The following FRMD5 variants were observed in gnomAD, a reference collection of about 807,000 sequenced individuals.
The protein encoded by FRMD5 is FERM domain containing 5, also known as FERM domain-containing protein 5.
Under a neutral mutation model 69.0 loss-of-function variants are expected in FRMD5, and 20 were observed. The observed-to-expected ratio is 0.29, with a 90% CI of 0.20 to 0.42. The LOEUF is 0.42. Ranked by LOEUF, FRMD5 falls within the 10% of genes least tolerant of loss-of-function variation. FRMD5 has a pLI of 1.00. For missense variants in FRMD5, 595 were observed against 708.6 expected (o/e 0.84, Z 1.82); for synonymous variants, 271 against 260.1 (o/e 1.04, Z -0.40).
chr15:44,062,797 C>T (rs1893146340), intron 1 of FRMD5, among the ~76,000 whole-genome samples: 1 of 151,674 alleles, frequency 6.6e-6, no homozygotes, highest in Admixed American at 6.6e-5. Context: ...TGGAACCAAT[C>T]CCCCCCAGAT....
At chr15:44,138,722 T>C (rs2077222801) in intron 1 of FRMD5, among the ~76,000 whole-genome samples, 3 of 152,170 alleles carry the variant, frequency 2.0e-5, no homozygotes. Flanking sequence ...TAAAATTTAT[T>C]ATCAAATGCA....
At chr15:44,143,786 G>A (rs1202859552) in intron 1 of FRMD5, among the ~76,000 whole-genome samples, 7 of 151,336 alleles carry the variant, frequency 4.6e-5, no homozygotes, top group South Asian at 2.1e-4. Flanking sequence ...TTGGCCGGGC[G>A]TGGCGGCACG....
intron 1 of FRMD5, among the ~76,000 whole-genome samples, chr15:44,099,656 G>A (rs1010759934): frequency 1.3e-5 from 2 of 152,136 alleles, no homozygotes; most frequent in Non-Finnish European, 2.9e-5. Flanking sequence ...AAGAGAGATG[G>A]AGATTGTTTG....
chr15:43,935,408 C>T (rs1395726608), intron 1 of FRMD5, among the ~76,000 whole-genome samples: 4 of 152,166 alleles, frequency 2.6e-5, no homozygotes, highest in Admixed American at 6.5e-5. Flanking sequence ...TGCTTGAACC[C>T]GAGAGGCAGA....
intron 7 of FRMD5, 125 bp downstream of exon 7, chr15:43,902,050 A>T: frequency 1.4e-6 from 1 of 705,762 alleles, no homozygotes; most frequent in Non-Finnish European, 2.5e-6. Context: ...TTTCTCTGAT[A>T]TCTCACTGAA....
chr15:43,924,714 C>T (rs1430602419), intron 1 of FRMD5, among the ~76,000 whole-genome samples: 1 of 152,134 alleles, frequency 6.6e-6, no homozygotes, highest in African/African-American at 2.4e-5. Context: ...TCTCTGTTAC[C>T]AACACCATAG....
chr15:43,901,149 G>T (rs1329952148), intron 7 of FRMD5, among the ~76,000 whole-genome samples: 1 of 152,084 alleles, frequency 6.6e-6, no homozygotes, highest in Non-Finnish European at 1.5e-5. Context: ...GCAGATGACA[G>T]CCATCCACAG....
chr15:44,056,080 C>T (rs1892859548), intron 1 of FRMD5, among the ~76,000 whole-genome samples: 1 of 152,194 alleles, frequency 6.6e-6, no homozygotes, highest in Non-Finnish European at 1.5e-5. Context: ...AAACAAGTAA[C>T]TTTAACATTT....
rs1017201541 is a variant in FRMD5 at position 43,925,513 on chromosome 15, C to A, written c.103-1204G>T. Among the ~76,000 whole-genome samples the A allele has an allele frequency of 2.0e-5, 3 of 152,214 alleles. No individual in the cohort carries two copies. In the East Asian group the frequency reaches 5.8e-4, roughly 29 times the overall value. On this transcript the variant is annotated intron_variant, in intron 1 of 13. Transcript: ENST00000417257. ...ACTGCAATGAATCTAAAATTATTTA[C>A]CCAGTTCCATATTGATGACATTTGT...
intron 1 of FRMD5, chr15:44,101,396 T>C (rs2076638402): frequency 6.6e-6 from 1 of 152,628 alleles, no homozygotes; most frequent in Non-Finnish European, 1.5e-5. Context: ...GTAGGCATAG[T>C]AGAGTATCTT....
At chr15:43,924,450 A>G in intron 1 of FRMD5, 141 bp from the exon 2 acceptor site, 1 of 626,938 alleles carries the variant, frequency 1.6e-6, no homozygotes, top group Non-Finnish European at 2.8e-6. Context: ...TGTCCTCCAC[A>G]TTGTGATACA....
intron 1 of FRMD5, chr15:43,989,131 T>C (rs1159706684): frequency 4.0e-6 from 4 of 992,012 alleles, no homozygotes; most frequent in Non-Finnish European, 6.5e-6. Context: ...CCACATCTGC[T>C]GGACGGTGGA....
intron 1 of FRMD5, among the ~76,000 whole-genome samples, chr15:43,935,353 G>A (rs1378093449): frequency 3.3e-5 from 5 of 152,080 alleles, no homozygotes; most frequent in South Asian, 2.1e-4. Context: ...GTGTGGTGGC[G>A]GGTGCTTGTA....
intron 4 of FRMD5, among the ~76,000 whole-genome samples, chr15:43,912,323 TAG>T (rs572553875): frequency 5.1e-4 from 77 of 152,226 alleles, no homozygotes; most frequent in South Asian, 2.1e-3. Flanking sequence ...AGACATCATG[TAG>T]AGTGAATAAT....
rs2088142594 is a variant in FRMD5 at position 43,870,799 on chromosome 15, C to A, written c.*3086G>T. ...ATATTTATTTAAGTTTAAAAATAAT[C>A]TTCATGGCACCAATGATTTTATGCT... On this transcript the variant is annotated 3_prime_UTR_variant, in exon 14 of 14. Transcript: ENST00000417257. 2 of 152,110 alleles carry A rather than the reference C, an allele frequency of 1.3e-5. No individual in the cohort carries two copies. Among genetic ancestry groups the A allele is most frequent in the African/African-American group, 4.8e-5 (2 of 41,414 alleles). The allele number at this position is 152,110 out of a possible 1,614,324, so 9.4% of individuals were successfully genotyped here.
At chr15:44,000,529 G>A (rs576769264) in intron 1 of FRMD5, among the ~76,000 whole-genome samples, 7 of 149,080 alleles carry the variant, frequency 4.7e-5, no homozygotes, top group Non-Finnish European at 7.4e-5. Context: ...TCACAATCTC[G>A]GCTCACCGCA....
At position 44,148,357 on chromosome 15, in the gene FRMD5, T is replaced by C. The variant is rs543418512; in HGVS notation, c.102+46596A>G. 1.1e-4 allele frequency among the ~76,000 whole-genome samples: 17 copies of C among 152,128 alleles called. No individual in the cohort carries two copies. In the East Asian group the frequency reaches 1.5e-3, roughly 14 times the overall value. ...CGCAATCTAGGCTCACTGCAAGCTC[T>C]GCCTCCCGGGTTCACGCCATTCTCC... On this transcript the variant is annotated intron_variant, in intron 1 of 13. Transcript: ENST00000417257.
At chr15:43,967,964 G>C (rs998482220) in intron 1 of FRMD5, among the ~76,000 whole-genome samples, 3 of 147,104 alleles carry the variant, frequency 2.0e-5, no homozygotes, top group Non-Finnish European at 4.5e-5. Flanking sequence ...TCCCCTCCCT[G>C]TGTCCATGTG....
chr15:43,989,883 C>T, intron 1 of FRMD5: 3 of 1,070,842 alleles, frequency 2.8e-6, no homozygotes, highest in Non-Finnish European at 4.3e-6. Context: ...GCATGGGGTG[C>T]TCCTTGGCAG....
Sources: allele counts gnomAD v4.1 joint callset (sites outside exome capture counted in the v4.1 genomes callset), GRCh38; gene constraint gnomAD v4.1.1; transcripts MANE v1.5; gene names NCBI Gene and HGNC (gene_info 2026-07-23, HGNC 2026-07-21).